TMEM108: variants seen among roughly 807,000 people sequenced by gnomAD.
TMEM108 encodes the protein cancer/testis antigen 124.
Under a neutral mutation model 35.1 loss-of-function variants are expected in TMEM108, and 12 were observed. The ratio of observed to expected loss-of-function variants is 0.34; its 90% confidence interval spans 0.22 to 0.55. TMEM108 has a LOEUF of 0.55. TMEM108 is among the 20% of genes least tolerant of loss of function. TMEM108 has a pLI of 0.89. For synonymous variants in TMEM108, 287 were observed against 308.6 expected (o/e 0.93, Z 0.73); for missense variants, 680 against 753.3 (o/e 0.90, Z 1.14).
intron 2 of TMEM108, among the ~76,000 whole-genome samples, chr3:133,078,482 GC>G (rs1180439692): frequency 6.6e-6 from 1 of 152,136 alleles, no homozygotes; most frequent in Non-Finnish European, 1.5e-5. Context: ...GAGCTGAGTG[GC>G]TAGGGTTAGA....
At position 133,145,985 on chromosome 3, in the gene TMEM108, A is replaced by G. The variant is rs140918742; in HGVS notation, c.-46-83281A>G. On this transcript the variant is annotated intron_variant, in intron 2 of 5. Coordinates refer to ENST00000321871, the MANE Select transcript of TMEM108 (RefSeq NM_023943.4). ...TTTCTCTTGCCTGATTGTCCTGGCCAGAACTTCCAATACTATGTTGAATAG... is the reference window on the plus strand; with the variant it reads ...TTTCTCTTGCCTGATTGTCCTGGCCGGAACTTCCAATACTATGTTGAATAG... Among the ~76,000 whole-genome samples the G allele has an allele frequency of 4.9e-3, 748 of 152,324 alleles. 6 individuals are homozygous for G. The highest frequency in any genetic ancestry group is 0.017 in the African/African-American group (711 of 41,564).
Position 133,284,962 on chromosome 3 carries a change from C to G in TMEM108, c.40+55611C>G, listed in dbSNP as rs139313127. Among the ~76,000 whole-genome samples the G allele has an allele frequency of 2.0e-5, 3 of 151,764 alleles. No individual in the cohort carries two copies. The South Asian group carries it at 6.2e-4, about 32-fold the overall frequency. On this transcript the variant is annotated intron_variant, in intron 3 of 5. Coordinates refer to ENST00000321871, the MANE Select transcript of TMEM108 (RefSeq NM_023943.4). ...TTACTTTGATGAGTATGTTTACCAA[C>G]GCTTTCTTATTTATTTGTTCTTGCC...
intron 2 of TMEM108, among the ~76,000 whole-genome samples, chr3:133,057,653 T>C (rs1943486937): frequency 6.6e-6 from 1 of 151,860 alleles, no homozygotes; most frequent in African/African-American, 2.4e-5. Context: ...GTTTTTACCA[T>C]AGGCTCTTGA....
At chr3:133,161,592 A>C (rs1429111393) in intron 2 of TMEM108, among the ~76,000 whole-genome samples, 1 of 152,176 alleles carries the variant, frequency 6.6e-6, no homozygotes, top group East Asian at 1.9e-4. Flanking sequence ...CAAAAATGTG[A>C]AAATATAACT....
intron 1 of TMEM108, among the ~76,000 whole-genome samples, chr3:133,042,026 G>A (rs1943281917): frequency 6.6e-6 from 1 of 152,082 alleles, no homozygotes; most frequent in African/African-American, 2.4e-5. Flanking sequence ...TAGTTAATGT[G>A]GACCTTTCAA....
chr3:133,056,347 T>C (rs1417807357), intron 2 of TMEM108, among the ~76,000 whole-genome samples: 1 of 152,226 alleles, frequency 6.6e-6, no homozygotes, highest in East Asian at 1.9e-4. Context: ...TGATAGACTT[T>C]GAGTCCTGTG....
chr3:133,278,368 A>T (rs1221178202), intron 3 of TMEM108, among the ~76,000 whole-genome samples: 1 of 152,234 alleles, frequency 6.6e-6, no homozygotes. Flanking sequence ...GGTGTTCCAT[A>T]TAGTTGGTGG....
intron 2 of TMEM108, among the ~76,000 whole-genome samples, chr3:133,057,433 GTGTATATATATA>G (rs1470547373): frequency 0.022 from 553 of 24,794 alleles, 33 homozygotes; most frequent in Middle Eastern, 0.09. Flanking sequence ...GTGTGTGTGT[GTGTATATATATA>G]TATATATATA....
chr3:133,143,626 A>G (rs1944670456), intron 2 of TMEM108, among the ~76,000 whole-genome samples: 1 of 152,188 alleles, frequency 6.6e-6, no homozygotes, highest in Admixed American at 6.5e-5. Context: ...GTACAGAGAG[A>G]TGAAGCCAAT....
At chr3:133,055,086 T>C (rs368207661) in intron 2 of TMEM108, among the ~76,000 whole-genome samples, 41 of 152,300 alleles carry the variant, frequency 2.7e-4, no homozygotes, top group East Asian at 2.3e-3. Flanking sequence ...TGCTCCAGTT[T>C]CTCTTCAGAC....
At chr3:133,077,281 C>T (rs1000315102) in intron 2 of TMEM108, among the ~76,000 whole-genome samples, 4 of 152,140 alleles carry the variant, frequency 2.6e-5, no homozygotes, top group Admixed American at 2.6e-4. Context: ...GGAAAAAGGG[C>T]CCATTTAATT....
chr3:133,219,003 A>G (rs1351349595), intron 2 of TMEM108, among the ~76,000 whole-genome samples: 1 of 152,072 alleles, frequency 6.6e-6, no homozygotes, highest in African/African-American at 2.4e-5. Flanking sequence ...TAGTTAAGTC[A>G]TCAGGCCCTG....
intron 2 of TMEM108, among the ~76,000 whole-genome samples, chr3:133,170,583 CA>C (rs964719694): frequency 2.0e-5 from 3 of 151,458 alleles, no homozygotes; most frequent in African/African-American, 4.9e-5. Context: ...AGACATCATC[CA>C]AAAAAAAGCA....
At chr3:133,168,512 C>G (rs1945078311) in intron 2 of TMEM108, among the ~76,000 whole-genome samples, 1 of 152,076 alleles carries the variant, frequency 6.6e-6, no homozygotes, top group African/African-American at 2.4e-5. Context: ...ACTTGGAGAA[C>G]TTTTCTGTCT....
At chr3:133,124,716 C>T (rs1944393481) in intron 2 of TMEM108, 1 of 152,384 alleles carries the variant, frequency 6.6e-6, no homozygotes, top group Admixed American at 6.5e-5. Flanking sequence ...AGCGTCCTTG[C>T]CAAACGTCTG....
intron 2 of TMEM108, among the ~76,000 whole-genome samples, chr3:133,105,821 G>A (rs1373756172): frequency 6.6e-6 from 1 of 152,160 alleles, no homozygotes; most frequent in Non-Finnish European, 1.5e-5. Flanking sequence ...TTTCTCTACA[G>A]CAAGCCTGAA....
At position 133,206,173 on chromosome 3, in the gene TMEM108, CT is replaced by C. The variant is rs1251459488; in HGVS notation, c.-46-23092del. On this transcript the variant is annotated intron_variant, in intron 2 of 5. Coordinates refer to ENST00000321871, the MANE Select transcript of TMEM108 (RefSeq NM_023943.4). ...CAGGTCATTTATGTTCTTCTCTAAA[CT>C]GGTTATTCCAGTTAACAATTCCTCT... Among the ~76,000 whole-genome samples, 7 of 152,312 alleles carry C rather than the reference CT, an allele frequency of 4.6e-5. No homozygotes were observed. In the South Asian group the frequency reaches 1.2e-3, roughly 27 times the overall value.
At chr3:133,132,372 T>C (rs1307935716) in intron 2 of TMEM108, among the ~76,000 whole-genome samples, 1 of 152,224 alleles carries the variant, frequency 6.6e-6, no homozygotes, top group Non-Finnish European at 1.5e-5. Context: ...CCAATACTCA[T>C]GTACCATTCT....
intron 2 of TMEM108, among the ~76,000 whole-genome samples, chr3:133,117,794 T>C (rs1576327420): frequency 6.6e-6 from 1 of 152,304 alleles, no homozygotes; most frequent in East Asian, 1.9e-4. Context: ...ATCAGAGGTG[T>C]CAGTCACTAT....
Sources: gnomAD v4.1 joint callset for allele counts (sites outside exome capture counted in the v4.1 genomes callset) on GRCh38, gnomAD v4.1.1 for gene constraint, MANE v1.5 for transcripts, NCBI Gene and HGNC (gene_info 2026-07-23, HGNC 2026-07-21) for gene names.